Variants in TPGS2 observed in about 807,000 individuals in gnomAD.
The protein encoded by TPGS2 is polyglutamylase subunit 2.
A neutral mutation model predicts 31.1 loss-of-function variants in TPGS2; 26 were observed. The ratio of observed to expected loss-of-function variants is 0.84; its 90% CI spans 0.61 to 1.16. The LOEUF (loss-of-function observed/expected upper bound fraction) is 1.16. Ranked by LOEUF, TPGS2 falls within the 50% of genes most tolerant of loss-of-function variation. TPGS2 has a pLI of 0.00. For synonymous variants in TPGS2, 130 were observed against 136.6 expected, an observed-to-expected ratio of 0.95 and a Z score of 0.34; for missense variants, 351 against 363.8, an observed-to-expected ratio of 0.96 and a Z score of 0.29.
At position 36,794,946 on chromosome 18, in the gene TPGS2, C is replaced by CTAT. The variant is rs2044458884; in HGVS notation, c.*1856_*1858dup. ...GGGATTGAAAAGGTAAGAGGTCTCG[C>CTAT]TATTTTAAAGCAAATGAAGAAGCTG... On this transcript the variant is annotated 3_prime_UTR_variant, in exon 7 of 7. Coordinates refer to ENST00000334295, the MANE Select transcript of TPGS2 (RefSeq NM_015476.4). 1.0e-6 allele frequency: 1 copy of CTAT among 984,938 alleles called. No homozygotes were observed. The highest frequency in any genetic ancestry group is 1.2e-6 in the Non-Finnish European group (1 of 829,922). The allele number at this position is 984,938 out of a possible 1,614,324, so 61.0% of individuals were successfully genotyped here. A position where few individuals can be genotyped will look rare whatever the true frequency, so the allele number is the denominator to read the frequency against.
At position 36,828,966 on chromosome 18, in the gene TPGS2, C is replaced by T. The variant is rs1447663841; in HGVS notation, c.-199G>A. Reference sequence around the variant, plus strand: ...CGGTTCCCGCGGCCCCGCCCGGTGCCCCACACCGCACCTCCGGGACGTAGC... The same window carrying T: ...CGGTTCCCGCGGCCCCGCCCGGTGCTCCACACCGCACCTCCGGGACGTAGC... On this transcript the variant is annotated 5_prime_UTR_variant, in exon 1 of 7. Coordinates refer to ENST00000334295, the MANE Select transcript of TPGS2 (RefSeq NM_015476.4). 9 of 1,018,256 alleles carry T rather than the reference C, an allele frequency of 8.8e-6. No individual in the cohort carries two copies. Among genetic ancestry groups the T allele is most frequent in the Non-Finnish European group, 1.2e-5 (9 of 732,084 alleles). The allele number at this position is 1,018,256 out of a possible 1,614,324, so 63.1% of individuals were successfully genotyped here.
At chr18:36,818,518 G>A (rs2045759806) in intron 2 of TPGS2, 1 of 161,460 alleles carries the variant, frequency 6.2e-6, no homozygotes, top group South Asian at 2.0e-4. Flanking sequence ...AAGTTCAGAG[G>A]AAAGTTGGAA....
At chr18:36,784,196 G>T (rs1265332720) in intron 6 of TPGS2, among the ~76,000 whole-genome samples, 1 of 152,178 alleles carries the variant, frequency 6.6e-6, no homozygotes, top group African/African-American at 2.4e-5. Flanking sequence ...CCAAGCTTGT[G>T]GTGATTCCTC....
chr18:36,808,615 G>A, intron 2 of TPGS2, among the ~76,000 whole-genome samples: 1 of 151,860 alleles, frequency 6.6e-6, no homozygotes, highest in Admixed American at 6.6e-5. Context: ...TCCAGCCTGG[G>A]TGACAAAGAG....
intron 6 of TPGS2, chr18:36,789,030 G>A (rs1452410027): frequency 6.6e-6 from 1 of 152,192 alleles, no homozygotes; most frequent in African/African-American, 2.4e-5. Flanking sequence ...GAGACCTAGA[G>A]AGGCTGGGGC....
intron 1 of TPGS2, 71 bp downstream of exon 1, chr18:36,828,612 C>G (rs557185856): frequency 9.6e-5 from 150 of 1,557,228 alleles, no homozygotes; most frequent in Non-Finnish European, 1.2e-4. Flanking sequence ...ACCGCTCACC[C>G]CGCACCTCAT....
At chr18:36,803,075 A>C (rs1159497490) in intron 4 of TPGS2, among the ~76,000 whole-genome samples, 2 of 152,218 alleles carry the variant, frequency 1.3e-5, no homozygotes, top group African/African-American at 2.4e-5. Flanking sequence ...CATTGTGGAA[A>C]GATCAAATCA....
At chr18:36,791,440 G>A (rs116148811), downstream of TPGS2, among the ~76,000 whole-genome samples, 142 of 152,266 alleles carry the variant, frequency 9.3e-4, no homozygotes, top group African/African-American at 2.9e-3. Context: ...CCAGAACCCT[G>A]AGGTGGAGGT....
Position 36,795,959 on chromosome 18 carries a change from A to G in TPGS2, c.*846T>C. ...GAATTTTTTGTTTTTAAATGGTAAG[A>G]ATAAAGTATAGCAGAAGTACACCTT... On this transcript the variant is annotated 3_prime_UTR_variant, in exon 7 of 7. Coordinates refer to ENST00000334295, the MANE Select transcript of TPGS2 (RefSeq NM_015476.4). 1.0e-6 allele frequency: 1 copy of G among 985,482 alleles called. No homozygotes were observed. The highest frequency in any genetic ancestry group is 4.7e-5 in the South Asian group (1 of 21,290). 61.0% of individuals were successfully genotyped at this position (985,482 alleles called of 1,614,324 possible). A position where few individuals can be genotyped will look rare whatever the true frequency, so the allele number is the denominator to read the frequency against.
chr18:36,818,610 C>T (rs181717465), intron 2 of TPGS2: 1 of 331,652 alleles, frequency 3.0e-6, no homozygotes, highest in Non-Finnish European at 5.6e-6. Context: ...TAACACATAT[C>T]CTTTCTTTTC....
At chr18:36,797,164 T>C (rs890291336) in intron 6 of TPGS2, 114 bp from the exon 7 acceptor site, 74 of 1,543,704 alleles carry the variant, frequency 4.8e-5, no homozygotes, top group Non-Finnish European at 6.2e-5. Context: ...TACATTTTCA[T>C]GAAAAACTGC....
At chr18:36,793,923 A>C (rs905197819), downstream of TPGS2, among the ~76,000 whole-genome samples, 6 of 151,960 alleles carry the variant, frequency 3.9e-5, no homozygotes, top group African/African-American at 1.5e-4. Context: ...TTGTATTTTT[A>C]GTAGAGATGG....
chr18:36,824,867 T>G (rs111649072), intron 1 of TPGS2, among the ~76,000 whole-genome samples: 42 of 152,316 alleles, frequency 2.8e-4, no homozygotes, highest in African/African-American at 1.0e-3. Context: ...AAACCCAATT[T>G]ATCTATTTTT....
chr18:36,792,448 T>G (rs1265923360), downstream of TPGS2, among the ~76,000 whole-genome samples: 1 of 152,234 alleles, frequency 6.6e-6, no homozygotes, highest in Admixed American at 6.5e-5. Flanking sequence ...CACGCATTTA[T>G]GCTGAAACTA....
intron 1 of TPGS2, among the ~76,000 whole-genome samples, chr18:36,824,142 A>T (rs1353969161): frequency 6.6e-6 from 1 of 152,178 alleles, no homozygotes; most frequent in Admixed American, 6.5e-5. Flanking sequence ...TGGCTTTTGC[A>T]ACTGGCTTCT....
At position 36,805,447 on chromosome 18, in the gene TPGS2, C is replaced by G; in HGVS notation, c.309G>C (p.Gln103His). Residue 103 changes from glutamine to histidine, a missense_variant, in exon 4 of 7, where the codon CAG becomes CAC. Transcript: ENST00000334295. ...GTGAATACATGGAAGACTGGGTGAG[C>G]TGAGTCAGTTTTGAGATGCTGTTAA... is the stretch of plus-strand genomic sequence containing the variant. The part of the protein sequence containing the change: ...MAINSISKLT[Q>H]LTQSSMYSLP... The G allele has an allele frequency of 6.2e-7, 1 of 1,613,996 alleles. No individual in the cohort carries two copies. The highest frequency in any genetic ancestry group is 1.1e-5 in the South Asian group (1 of 91,076).
In TPGS2 at chr18:36,794,909, G is replaced by C; in HGVS notation, c.*1896C>G. 9.1e-6 allele frequency: 9 copies of C among 983,946 alleles called. No individual in the cohort carries two copies. Among genetic ancestry groups the C allele is most frequent in the Non-Finnish European group, 1.1e-5 (9 of 829,904 alleles). The allele number at this position is 983,946 out of a possible 1,614,324, so 61.0% of individuals were successfully genotyped here. A position where few individuals can be genotyped will look rare whatever the true frequency, so the allele number is the denominator to read the frequency against. On this transcript the variant is annotated 3_prime_UTR_variant, in exon 7 of 7. Coordinates refer to ENST00000334295, the MANE Select transcript of TPGS2 (RefSeq NM_015476.4). ...TTTAAATGACCACACTGAATTATAA[G>C]TGGTTAGTTTTGGGATTGAAAAGGT...
In TPGS2 at chr18:36,795,757, C is replaced by T; in HGVS notation, c.*1048G>A. The T allele has an allele frequency of 1.0e-6, 1 of 985,340 alleles. No homozygotes were observed. Among genetic ancestry groups the T allele is most frequent in the Non-Finnish European group, 1.2e-6 (1 of 829,916 alleles). The allele number at this position is 985,340 out of a possible 1,614,324, so 61.0% of individuals were successfully genotyped here. A position where few individuals can be genotyped will look rare whatever the true frequency, so the allele number is the denominator to read the frequency against. On this transcript the variant is annotated 3_prime_UTR_variant, in exon 7 of 7. Coordinates refer to ENST00000334295, the MANE Select transcript of TPGS2 (RefSeq NM_015476.4). The stretch of plus-strand genomic sequence containing the variant: ...GCTTCCAAAGGAACTCTTGGAAGCC[C>T]ACCCTGTTCTAAGCAGGAGACTGCT...
rs548339582 is a variant in TPGS2 at position 36,798,322 on chromosome 18, C to T, written c.657+127G>A. 2.2e-5 allele frequency: 33 copies of T among 1,517,252 alleles called. 1 individual carries two copies. In the East Asian group the frequency reaches 4.3e-4, roughly 20 times the overall value. 94.0% of individuals were successfully genotyped at this position (1,517,252 alleles called of 1,614,324 possible). A position where few individuals can be genotyped will look rare whatever the true frequency, so the allele number is the denominator to read the frequency against. ...TCATCTGTCTTGCTTATTGAAAATG[C>T]AGGTTCCTGGGCCCCACCCTAGATC... On this transcript the variant is annotated intron_variant, in intron 6 of 6. Transcript: ENST00000334295.
Sources: gnomAD v4.1 joint callset for allele counts (sites outside exome capture counted in the v4.1 genomes callset) on GRCh38, gnomAD v4.1.1 for gene constraint, MANE v1.5 for transcripts, NCBI Gene and HGNC (gene_info 2026-07-23, HGNC 2026-07-21) for gene names.